BMPR1B: variants seen among roughly 807,000 people sequenced by gnomAD.
BMPR1B encodes bone morphogenetic protein receptor type 1B.
In BMPR1B, 12 loss-of-function variants were observed where a neutral mutation model predicts 59.1. That is an observed-to-expected ratio of 0.20 (90% CI 0.13 to 0.33). BMPR1B has a LOEUF of 0.33. BMPR1B is among the 10% of genes least tolerant of loss of function. The pLI is 1.00. For synonymous variants in BMPR1B, 237 were observed against 207.3 expected, an observed-to-expected ratio of 1.14 and a Z score of -1.23; for missense variants, 550 against 610.9, an observed-to-expected ratio of 0.90 and a Z score of 1.05.
chr4:95,084,804 T>C (rs1033838200), intron 3 of BMPR1B, among the ~76,000 whole-genome samples: 6 of 152,194 alleles, frequency 3.9e-5, no homozygotes, highest in African/African-American at 9.6e-5. Flanking sequence ...CCTTAACAAA[T>C]GTATCGTGAG....
chr4:94,798,977 G>C (rs1419507496), intron 1 of BMPR1B, among the ~76,000 whole-genome samples: 1 of 151,778 alleles, frequency 6.6e-6, no homozygotes, highest in Non-Finnish European at 1.5e-5. Context: ...GGCTAAATAT[G>C]AGTCAGCGTG....
chr4:95,152,446 G>A (rs1224371155), intron 11 of BMPR1B, among the ~76,000 whole-genome samples, 197 bp from the exon 12 acceptor site: 1 of 151,994 alleles, frequency 6.6e-6, no homozygotes. Context: ...ATTTTTCATT[G>A]GGCTTTGTAT....
At chr4:94,857,255 A>C (rs1483730323) in intron 1 of BMPR1B, among the ~76,000 whole-genome samples, 1 of 152,236 alleles carries the variant, frequency 6.6e-6, no homozygotes. Flanking sequence ...ATTTAAGAAA[A>C]TGTGCCAAAT....
chr4:95,099,597 C>T (rs1471795464), intron 3 of BMPR1B, among the ~76,000 whole-genome samples: 2 of 151,616 alleles, frequency 1.3e-5, no homozygotes, highest in Non-Finnish European at 2.9e-5. Flanking sequence ...CTCTGTTTCA[C>T]GCGCGCACAC....
chr4:95,123,998 C>T (rs1268415504), intron 7 of BMPR1B, 92 bp downstream of exon 7: 4 of 849,818 alleles, frequency 4.7e-6, no homozygotes, highest in East Asian at 5.0e-5. Flanking sequence ...TTTCTCACCA[C>T]AGCTTTATTT....
At chr4:94,955,848 C>T (rs527351601) in intron 2 of BMPR1B, among the ~76,000 whole-genome samples, 4 of 152,114 alleles carry the variant, frequency 2.6e-5, no homozygotes, top group South Asian at 4.2e-4. Flanking sequence ...AGGCTGGTCT[C>T]GAACTCCTGG....
chr4:94,881,530 A>G (rs1186991965), intron 2 of BMPR1B, among the ~76,000 whole-genome samples: 5 of 150,284 alleles, frequency 3.3e-5, no homozygotes, highest in Non-Finnish European at 5.9e-5. Context: ...CAGTGGTGTG[A>G]TTTCAGCTCA....
chr4:94,769,667 T>C (rs1376987307), intron 1 of BMPR1B, among the ~76,000 whole-genome samples: 6 of 151,526 alleles, frequency 4.0e-5, no homozygotes, highest in Non-Finnish European at 7.4e-5. Context: ...AGAGCACAAA[T>C]AGACTGAATG....
chr4:94,870,998 G>A (rs1385164142), intron 1 of BMPR1B, among the ~76,000 whole-genome samples: 1 of 151,724 alleles, frequency 6.6e-6, no homozygotes, highest in Non-Finnish European at 1.5e-5. Flanking sequence ...GATTTTTTTG[G>A]CGGGGGGGCG....
At chr4:94,841,015 C>T (rs1376527107) in intron 1 of BMPR1B, among the ~76,000 whole-genome samples, 2 of 147,126 alleles carry the variant, frequency 1.4e-5, no homozygotes, top group South Asian at 2.2e-4. Context: ...TGTTGGAGTA[C>T]CCTGCCGTGT....
intron 3 of BMPR1B, among the ~76,000 whole-genome samples, chr4:95,096,051 G>C (rs200769109): frequency 1.6e-3 from 193 of 120,348 alleles, no homozygotes; most frequent in African/African-American, 5.3e-3. Flanking sequence ...TCTGCATTTT[G>C]TTTTTTCTGC....
intron 2 of BMPR1B, among the ~76,000 whole-genome samples, chr4:94,972,044 A>G (rs758763090): frequency 2.0e-5 from 3 of 151,654 alleles, no homozygotes; most frequent in Non-Finnish European, 4.4e-5. Context: ...AAATAGAGGA[A>G]CTAATTATTC....
At chr4:94,824,370 T>C (rs995984007) in intron 1 of BMPR1B, among the ~76,000 whole-genome samples, 1 of 152,226 alleles carries the variant, frequency 6.6e-6, no homozygotes, top group Non-Finnish European at 1.5e-5. Context: ...TATATGGTTC[T>C]TGTCTCTTCA....
At chr4:95,064,397 G>C (rs1727645094) in intron 3 of BMPR1B, among the ~76,000 whole-genome samples, 1 of 152,084 alleles carries the variant, frequency 6.6e-6, no homozygotes, top group Non-Finnish European at 1.5e-5. Flanking sequence ...GTTGTGAACT[G>C]TGCATGCAAG....
At chr4:94,947,380 C>T (rs1578836019) in intron 2 of BMPR1B, among the ~76,000 whole-genome samples, 4 of 152,084 alleles carry the variant, frequency 2.6e-5, no homozygotes, top group Admixed American at 2.6e-4. Flanking sequence ...CTGGGTAAAG[C>T]GAAAGACTGG....
At chr4:94,874,280 CTT>C (rs1301569743) in intron 1 of BMPR1B, among the ~76,000 whole-genome samples, 1 of 152,024 alleles carries the variant, frequency 6.6e-6, no homozygotes, top group Non-Finnish European at 1.5e-5. Context: ...GCAAATATCT[CTT>C]TGAGATTCTG....
intron 6 of BMPR1B, among the ~76,000 whole-genome samples, chr4:95,119,546 G>C (rs1246490763): frequency 6.6e-6 from 1 of 152,162 alleles, no homozygotes; most frequent in Non-Finnish European, 1.5e-5. Flanking sequence ...TATAATTCCT[G>C]TTTGTCCTGA....
At chr4:94,990,742 A>G (rs895105) in intron 2 of BMPR1B, among the ~76,000 whole-genome samples, 145,647 of 152,220 alleles carry the variant, frequency 0.96, 69,708 homozygotes, top group Middle Eastern at 0.99. Flanking sequence ...TGTGCACAGC[A>G]TGCAGGTTAG....
chr4:95,111,393 A>G (rs1157499143), intron 4 of BMPR1B, among the ~76,000 whole-genome samples: 1 of 152,086 alleles, frequency 6.6e-6, no homozygotes, highest in Admixed American at 6.6e-5. Context: ...GAATAATAGA[A>G]TTAAAGGGAC....
Sources: allele counts gnomAD v4.1 joint callset (sites outside exome capture counted in the v4.1 genomes callset), GRCh38; gene constraint gnomAD v4.1.1; transcripts MANE v1.5; gene names NCBI Gene and HGNC (gene_info 2026-07-23, HGNC 2026-07-21).